DAPK2: variants seen among roughly 807,000 people sequenced by gnomAD.
DAPK2 encodes death associated protein kinase 2.
Under a neutral mutation model 44.1 loss-of-function variants are expected in DAPK2, and 35 were observed. The observed-to-expected ratio is 0.79, with a 90% CI of 0.61 to 1.05. DAPK2 has a LOEUF of 1.05. Among genes scored for constraint, DAPK2 ranks in the 50% least tolerant of loss-of-function variants. The pLI is 0.00. For missense variants in DAPK2, 453 were observed against 483.2 expected (o/e 0.94, Z 0.59); for synonymous variants, 174 against 182.6 (o/e 0.95, Z 0.38).
chr15:63,944,036 A>G lies in DAPK2; in HGVS notation c.454-4675T>C, dbSNP rs545949282. ...TGCCTTTTCTTCTGGTGATGCTTCC[A>G]TGCAAGTGAGTAGCCCCAGAACCCA... is the stretch of plus-strand genomic sequence containing the variant. On this transcript the variant is annotated intron_variant, in intron 3 of 10. Transcript: ENST00000261891. 1.2e-4 allele frequency among the ~76,000 whole-genome samples: 19 copies of G among 152,184 alleles called. No individual in the cohort carries two copies. In the South Asian group the frequency reaches 3.5e-3, roughly 28 times the overall value.
At chr15:63,988,776 G>A (rs2078734929) in intron 1 of DAPK2, among the ~76,000 whole-genome samples, 1 of 151,914 alleles carries the variant, frequency 6.6e-6, no homozygotes, top group Non-Finnish European at 1.5e-5. Context: ...AAAGTGCTGG[G>A]ATTACAGGCA....
rs182000092 is a variant in DAPK2, at chr15:63,938,671, C to T, written c.583+561G>A. On this transcript the variant is annotated intron_variant, in intron 4 of 10. Coordinates refer to ENST00000261891, the Ensembl canonical transcript of DAPK2. ...CTCCGGCCCAAGCCCTATAAGGAGG[C>T]TTCTGGGGTACAGAATGGGCAGGGG... Among the ~76,000 whole-genome samples the T allele has an allele frequency of 8.5e-4, 130 of 152,308 alleles. 2 individuals are homozygous for T. The highest frequency in any genetic ancestry group is 2.9e-3 in the Admixed American group (44 of 15,306).
At chr15:64,021,613 T>G (rs2141083627) in intron 1 of DAPK2, among the ~76,000 whole-genome samples, 1 of 152,314 alleles carries the variant, frequency 6.6e-6, no homozygotes. Flanking sequence ...CCGTCTTCAA[T>G]GGGCTCACAA....
chr15:63,983,515 CCTGGGGACCCCACTCACAG>C lies in DAPK2; in HGVS notation c.313_314+17del. 4 of 1,611,408 alleles carry C rather than the reference CCTGGGGACCCCACTCACAG, an allele frequency of 2.5e-6. No individual in the cohort carries two copies. The African/African-American group carries it at 5.3e-5, about 21-fold the overall frequency. On this transcript the variant is annotated splice_donor_variant and splice_donor_5th_base_variant and coding_sequence_variant and intron_variant, in exon 2 of 11. Transcript: ENST00000261891. LOFTEE classifies it high-confidence loss of function. ...CCTGCTGCCCCCCAACCCTGTGGGT[CCTGGGGACCCCACTCACAG>C]CTCAAGGATGAGCACCACGTCGGTG...
chr15:64,035,817 C>T (rs371610408), intron 1 of DAPK2, among the ~76,000 whole-genome samples: 15 of 152,292 alleles, frequency 9.8e-5, no homozygotes, highest in Admixed American at 3.3e-4. Flanking sequence ...CTGCACTCAG[C>T]GCTGGAAGCT....
At chr15:63,979,950 G>A (rs1333817571) in intron 2 of DAPK2, among the ~76,000 whole-genome samples, 1 of 151,940 alleles carries the variant, frequency 6.6e-6, no homozygotes, top group Non-Finnish European at 1.5e-5. Flanking sequence ...AAAAGCCCAG[G>A]AACTCCTCTC....
chr15:63,972,389 AG>A (rs1273456541), intron 2 of DAPK2, among the ~76,000 whole-genome samples: 4 of 152,220 alleles, frequency 2.6e-5, no homozygotes, highest in African/African-American at 9.6e-5. Flanking sequence ...ATGGACTGTA[AG>A]GGTGGTCCTG....
At chr15:63,913,425 A>G (rs1365875272) in intron 8 of DAPK2, among the ~76,000 whole-genome samples, 1 of 152,200 alleles carries the variant, frequency 6.6e-6, no homozygotes, top group African/African-American at 2.4e-5. Context: ...GAGAGTCAAT[A>G]GCTTTTATCG....
chr15:63,966,497 A>G lies in DAPK2; in HGVS notation c.453+4926T>C, dbSNP rs746519968. Among the ~76,000 whole-genome samples the G allele has an allele frequency of 3.3e-5, 5 of 152,176 alleles. No individual in the cohort carries two copies. Among genetic ancestry groups the G allele is most frequent in the Non-Finnish European group, 5.9e-5 (4 of 68,010 alleles). ...GCTCCAAGCACAGCACAGGACCAGG[A>G]CTTGTCCAGGAATTGCAGTCCTTGT... On this transcript the variant is annotated intron_variant, in intron 3 of 10. Transcript: ENST00000261891. This position sits in a 1 kb window ranked among gnomAD's most constrained non-coding sequence, Gnocchi z 5.5.
chr15:63,919,203 A>T lies in DAPK2; in HGVS notation c.858+5613T>A, dbSNP rs552938313. On this transcript the variant is annotated intron_variant, in intron 8 of 10. Coordinates refer to ENST00000261891, the Ensembl canonical transcript of DAPK2. ...TGGGGGCATTTCTCAACTCTCTTTC[A>T]TTTGTCTTTAGAAGCTCTTTGTACA... The T allele has an allele frequency of 2.6e-5, 4 of 152,178 alleles. No individual in the cohort carries two copies. The East Asian group carries it at 7.7e-4, about 29-fold the overall frequency. The allele number at this position is 152,178 out of a possible 1,614,324, so 9.4% of individuals were successfully genotyped here.
chr15:63,922,474 C>T, intron 8 of DAPK2: 8 of 1,239,022 alleles, frequency 6.5e-6, no homozygotes, highest in Non-Finnish European at 8.1e-6. Flanking sequence ...GAAGGGGACC[C>T]TGAGGGGTAC....
chr15:64,043,572 A>C (rs979622546), upstream of DAPK2, among the ~76,000 whole-genome samples: 14 of 152,240 alleles, frequency 9.2e-5, no homozygotes, highest in Admixed American at 9.2e-4. Flanking sequence ...AGATGTCAGC[A>C]GAGTGGCTAT....
At chr15:64,043,269 A>T (rs1328000546), upstream of DAPK2, among the ~76,000 whole-genome samples, 1 of 152,234 alleles carries the variant, frequency 6.6e-6, no homozygotes, top group Non-Finnish European at 1.5e-5. Flanking sequence ...TCTAAGAGAA[A>T]TGCATGCAGA....
chr15:63,962,879 G>A (rs1260247429), intron 3 of DAPK2, among the ~76,000 whole-genome samples: 1 of 152,214 alleles, frequency 6.6e-6, no homozygotes, highest in Non-Finnish European at 1.5e-5. Context: ...CTTTAAATCT[G>A]TCAGACAAGG....
chr15:63,998,379 G>C (rs572871769), intron 1 of DAPK2, among the ~76,000 whole-genome samples: 49 of 152,194 alleles, frequency 3.2e-4, no homozygotes, highest in Non-Finnish European at 6.3e-4. Context: ...CTGGGACAGA[G>C]GGAGAAGCCA....
intron 3 of DAPK2, among the ~76,000 whole-genome samples, chr15:63,940,673 C>G (rs1159908743): frequency 6.6e-6 from 1 of 152,034 alleles, no homozygotes; most frequent in African/African-American, 2.4e-5. Context: ...GATCGTGCCA[C>G]TGCACTCCAG....
chr15:63,911,677 A>G, intron 10 of DAPK2: 1 of 572,806 alleles, frequency 1.7e-6, no homozygotes, highest in Non-Finnish European at 3.1e-6. Context: ...ATCCTCCAGG[A>G]GTTCATGCTG....
intron 3 of DAPK2, among the ~76,000 whole-genome samples, chr15:63,971,152 C>A (rs917064655): frequency 6.6e-6 from 1 of 151,254 alleles, no homozygotes; most frequent in African/African-American, 2.5e-5. Context: ...GAAAGTGTTC[C>A]CCCCTGCTCC....
At chr15:64,030,664 G>A (rs2079985011) in intron 1 of DAPK2, among the ~76,000 whole-genome samples, 1 of 151,966 alleles carries the variant, frequency 6.6e-6, no homozygotes, top group East Asian at 1.9e-4. Context: ...TGAGCCCTGG[G>A]CCTTTACTAG....
Sources: gnomAD v4.1 joint callset for allele counts (sites outside exome capture counted in the v4.1 genomes callset) on GRCh38, gnomAD v4.1.1 for gene constraint, Gnocchi (gnomAD v3.1) non-coding constraint, MANE v1.5 for transcripts, NCBI Gene and HGNC (gene_info 2026-07-23, HGNC 2026-07-21) for gene names.